SKAP1: variants seen among roughly 807,000 people sequenced by gnomAD.
SKAP1 encodes the protein src kinase-associated phosphoprotein 1.
In SKAP1, 44 loss-of-function variants were observed where a neutral mutation model predicts 58.5. The ratio of observed to expected loss-of-function variants is 0.75; its 90% confidence interval spans 0.59 to 0.97. The LOEUF is 0.97. Among genes scored for constraint, SKAP1 ranks in the 50% least tolerant of loss-of-function variants. The pLI is 0.00. For synonymous variants in SKAP1, 127 were observed against 149.7 expected, an observed-to-expected ratio of 0.85 and a Z score of 1.11; for missense variants, 390 against 435.2, an observed-to-expected ratio of 0.90 and a Z score of 0.92.
intron 1 of SKAP1, among the ~76,000 whole-genome samples, chr17:48,405,202 T>A (rs1186418381): frequency 6.6e-6 from 1 of 152,148 alleles, no homozygotes. Context: ...ACATTTCATT[T>A]TAAATTTTCT....
intron 1 of SKAP1, among the ~76,000 whole-genome samples, chr17:48,399,787 A>T (rs1194572479): frequency 6.6e-6 from 1 of 151,916 alleles, no homozygotes; most frequent in East Asian, 1.9e-4. Context: ...ATTAAAAAGA[A>T]AATAAATGGT....
intron 4 of SKAP1, among the ~76,000 whole-genome samples, chr17:48,266,142 CCA>C (rs918361339): frequency 6.6e-6 from 1 of 151,238 alleles, no homozygotes; most frequent in Non-Finnish European, 1.5e-5. Context: ...CTACACACAC[CCA>C]CACACACACA....
intron 8 of SKAP1, 105 bp downstream of exon 8, chr17:48,182,289 G>C: frequency 1.3e-6 from 1 of 778,114 alleles, no homozygotes; most frequent in South Asian, 1.7e-5. Flanking sequence ...GTAGAGGTGA[G>C]AAAGGGCAGA....
In SKAP1 at chr17:48,379,682, C is replaced by CTTTT. The variant is rs397856911; in HGVS notation, c.153-15872_153-15869dup. On this transcript the variant is annotated intron_variant, in intron 2 of 12. Coordinates refer to ENST00000336915, the MANE Select transcript of SKAP1 (RefSeq NM_003726.4). ...AGATTCTATACTAAAGTATCTTCTTCTTTTTTTTTTTTTTTTTGAGACAGA... is the reference window on the plus strand; with the variant it reads ...AGATTCTATACTAAAGTATCTTCTTCTTTTTTTTTTTTTTTTTTTTTGAGACAGA... Among the ~76,000 whole-genome samples, 457 of 124,036 alleles carry CTTTT rather than the reference C, an allele frequency of 3.7e-3. 8 individuals carry two copies. Among genetic ancestry groups the CTTTT allele is most frequent in the African/African-American group, 0.013 (429 of 34,174 alleles). 81.4% of individuals were successfully genotyped at this position (124,036 alleles called of 152,430 possible). A position where few individuals can be genotyped will look rare whatever the true frequency, so the allele number is the denominator to read the frequency against.
intron 10 of SKAP1, among the ~76,000 whole-genome samples, chr17:48,164,290 T>C (rs1273101690): frequency 2.0e-5 from 3 of 152,212 alleles, no homozygotes; most frequent in African/African-American, 7.2e-5. Context: ...AACATCAATA[T>C]TTTTCATGGA....
At chr17:48,135,056 C>T (rs756734216) in intron 12 of SKAP1, among the ~76,000 whole-genome samples, 4 of 152,158 alleles carry the variant, frequency 2.6e-5, no homozygotes, top group Non-Finnish European at 5.9e-5. Context: ...TACTTGTGGC[C>T]ATGAAACAGT....
intron 4 of SKAP1, among the ~76,000 whole-genome samples, chr17:48,191,267 C>G (rs1413189892): frequency 6.6e-6 from 1 of 152,086 alleles, no homozygotes; most frequent in East Asian, 1.9e-4. Flanking sequence ...AAAAAAAAAG[C>G]CTCTTTTAAG....
At chr17:48,185,045 A>T (rs1567810511) in intron 6 of SKAP1, 198 bp from the exon 7 acceptor site, 1 of 531,940 alleles carries the variant, frequency 1.9e-6, no homozygotes, top group East Asian at 3.2e-5. Flanking sequence ...CAAGCTAGGG[A>T]AATGCAACGT....
At chr17:48,389,341 G>C (rs1205122785) in intron 2 of SKAP1, among the ~76,000 whole-genome samples, 1 of 152,034 alleles carries the variant, frequency 6.6e-6, no homozygotes, top group African/African-American at 2.4e-5. Context: ...GCCCTGGAAG[G>C]GACACCCTTC....
intron 4 of SKAP1, among the ~76,000 whole-genome samples, chr17:48,285,683 A>G (rs759589273): frequency 1.3e-4 from 20 of 151,980 alleles, no homozygotes; most frequent in Non-Finnish European, 2.4e-4. Context: ...CTCTGACCCT[A>G]AACAAATGCT....
chr17:48,152,496 T>G (rs2063913491), intron 11 of SKAP1, among the ~76,000 whole-genome samples: 1 of 152,264 alleles, frequency 6.6e-6, no homozygotes, highest in African/African-American at 2.4e-5. Context: ...ACTAAATCTC[T>G]GTCTAATAAA....
intron 1 of SKAP1, among the ~76,000 whole-genome samples, chr17:48,425,721 A>G (rs7219155): frequency 0.091 from 13,831 of 152,278 alleles, 963 homozygotes; most frequent in African/African-American, 0.16. Context: ...TAACGTGGTT[A>G]TCTGATGTAC....
intron 4 of SKAP1, among the ~76,000 whole-genome samples, chr17:48,292,840 G>A (rs1439815483): frequency 6.6e-6 from 1 of 152,164 alleles, no homozygotes; most frequent in Non-Finnish European, 1.5e-5. Flanking sequence ...GTTAAGCAAA[G>A]TTTCAGAACA....
At chr17:48,296,092 C>G (rs534899038) in intron 4 of SKAP1, among the ~76,000 whole-genome samples, 1 of 152,166 alleles carries the variant, frequency 6.6e-6, no homozygotes, top group South Asian at 2.1e-4. Context: ...GAGAGGGAGA[C>G]ACACACATTC....
chr17:48,311,592 T>G (rs759621662), intron 4 of SKAP1, among the ~76,000 whole-genome samples: 15 of 152,212 alleles, frequency 9.9e-5, no homozygotes, highest in Non-Finnish European at 2.1e-4. Flanking sequence ...GTGCTATTCC[T>G]TGAACTTCTA....
chr17:48,316,643 G>A (rs1162013118), intron 4 of SKAP1, among the ~76,000 whole-genome samples: 1 of 152,128 alleles, frequency 6.6e-6, no homozygotes, highest in Non-Finnish European at 1.5e-5. Context: ...TGTGTCCCCA[G>A]TACTAGTCTA....
At chr17:48,429,152 A>T (rs1250583495) in intron 1 of SKAP1, among the ~76,000 whole-genome samples, 1 of 152,244 alleles carries the variant, frequency 6.6e-6, no homozygotes, top group Non-Finnish European at 1.5e-5. Context: ...AACTATGTCA[A>T]CTTAGATGCC....
At chr17:48,337,125 T>C (rs1358169218) in intron 4 of SKAP1, among the ~76,000 whole-genome samples, 1 of 152,176 alleles carries the variant, frequency 6.6e-6, no homozygotes, top group Non-Finnish European at 1.5e-5. Flanking sequence ...GAGAATCCAT[T>C]CCATATAATC....
At chr17:48,439,353 A>C in the SKAP1 span, among the ~76,000 whole-genome samples, 24 of 152,218 alleles carry the variant, frequency 1.6e-4, no homozygotes, top group Non-Finnish European at 3.1e-4. Flanking sequence ...TGCATATTGC[A>C]GAATATTCAT....
Sources: gnomAD v4.1 joint callset for allele counts (sites outside exome capture counted in the v4.1 genomes callset) on GRCh38, gnomAD v4.1.1 for gene constraint, MANE v1.5 for transcripts, NCBI Gene and HGNC (gene_info 2026-07-23, HGNC 2026-07-21) for gene names.